The following HAO2 variants were observed in gnomAD, a reference collection of about 807,000 sequenced individuals.
HAO2 encodes the protein 2-Hydroxyacid oxidase 2.
Under a neutral mutation model 37.4 loss-of-function variants are expected in HAO2, and 42 were observed. That is an observed-to-expected ratio of 1.12 (90% CI 0.88 to 1.45). HAO2 has a LOEUF of 1.45. HAO2 is among the 40% of genes most tolerant of loss of function. The pLI is 0.00. For synonymous variants in HAO2, 180 were observed against 162.8 expected (o/e 1.11, Z -0.81); for missense variants, 476 against 430.2 (o/e 1.11, Z -0.94).
chr1:119,373,241 A>G lies in HAO2; in HGVS notation c.-9+4339A>G, dbSNP rs3765954. Among the ~76,000 whole-genome samples the G allele has an allele frequency of 2.7e-3, 417 of 152,300 alleles. 3 individuals are homozygous for G. Among genetic ancestry groups the G allele is most frequent in the East Asian group, 0.016 (84 of 5,180 alleles). On this transcript the variant is annotated intron_variant, in intron 1 of 7. Coordinates refer to ENST00000325945, the MANE Select transcript of HAO2 (RefSeq NM_016527.4). ...AGCAGGGTCAGAAGGAGTAGAGGTG[A>G]AGGTGGAATGATAAAATCTAGTGTA...
chr1:119,382,819 G>C (rs774954192), intron 2 of HAO2, 96 bp from the exon 3 acceptor site: 4 of 1,172,054 alleles, frequency 3.4e-6, no homozygotes, highest in Non-Finnish European at 4.9e-6. Flanking sequence ...GTCTGGTTTA[G>C]ACTTGTATCA....
chr1:119,384,926 T>C lies in HAO2; in HGVS notation c.434T>C (p.Val145Ala). Residue 145 changes from valine to alanine, a missense_variant, in exon 4 of 8, where the codon GTA becomes GCA. Coordinates refer to ENST00000325945, the MANE Select transcript of HAO2 (RefSeq NM_016527.4). ...LQLNKQLIQRVESLGFKALVI... is the reference protein window; with the variant it reads ...LQLNKQLIQRAESLGFKALVI... ...CTGAACAAACAGTTGATCCAGAGGG[T>C]AGAATCCCTAGGTTTCAAAGCTTTG... 6.2e-7 allele frequency: 1 copy of C among 1,613,936 alleles called. No homozygotes were observed. The highest frequency in any genetic ancestry group is 8.5e-7 in the Non-Finnish European group (1 of 1,179,860).
chr1:119,386,594 G>A (rs762993266), intron 4 of HAO2, 28 bp from the exon 5 acceptor site: 4 of 1,397,518 alleles, frequency 2.9e-6, no homozygotes, highest in South Asian at 1.2e-5. Context: ...GAGAGCTCAG[G>A]ACTAAGTTCC....
intron 5 of HAO2, among the ~76,000 whole-genome samples, chr1:119,388,237 C>T (rs1334849847): frequency 6.6e-6 from 1 of 152,116 alleles, no homozygotes; most frequent in Admixed American, 6.6e-5. Context: ...CCAACTATGC[C>T]TAAATAGGAG....
At chr1:119,378,003 G>A (rs762852109) in intron 1 of HAO2, among the ~76,000 whole-genome samples, 4 of 152,206 alleles carry the variant, frequency 2.6e-5, no homozygotes, top group African/African-American at 4.8e-5. Flanking sequence ...GGAGACAGAA[G>A]TTACAGTGAG....
intron 2 of HAO2, among the ~76,000 whole-genome samples, chr1:119,381,780 T>C (rs1317282125): frequency 1.3e-5 from 2 of 152,220 alleles, no homozygotes; most frequent in African/African-American, 4.8e-5. Flanking sequence ...CGATGGTTTT[T>C]CATTTTTGAA....
At chr1:119,369,429 A>G (rs1044672815) in intron 1 of HAO2, among the ~76,000 whole-genome samples, 3 of 152,238 alleles carry the variant, frequency 2.0e-5, no homozygotes, top group Non-Finnish European at 4.4e-5. Flanking sequence ...TGATTGTGTT[A>G]AGTTGAATCT....
At chr1:119,369,841 A>T (rs1326774823) in intron 1 of HAO2, among the ~76,000 whole-genome samples, 1 of 152,068 alleles carries the variant, frequency 6.6e-6, no homozygotes, top group African/African-American at 2.4e-5. Flanking sequence ...GTCTTCTTCG[A>T]CTGTAAGCTT....
At chr1:119,392,390 C>G in intron 6 of HAO2, 122 bp downstream of exon 6, 1 of 861,242 alleles carries the variant, frequency 1.2e-6, no homozygotes, top group Non-Finnish European at 1.8e-6. Context: ...ATAGTTACAC[C>G]TAAGCTGCAT....
Position 119,381,119 on chromosome 1 carries a change from C to T in HAO2, c.34C>T (p.His12Tyr), listed in dbSNP as rs762816224. Residue 12 changes from histidine (H) to tyrosine (Y), a missense_variant, in exon 2 of 8, where the codon CAT becomes TAT. Coordinates refer to ENST00000325945, the MANE Select transcript of HAO2 (RefSeq NM_016527.4). ...GGTGTGTTTGACAGACTTTCAGGCC[C>T]ATGCGCGAGAGCAGCTGTCTAAGTC... ...SLVCLTDFQA[H>Y]AREQLSKSTR... 1.2e-6 allele frequency: 2 copies of T among 1,611,718 alleles called. No homozygotes were observed. Among genetic ancestry groups the T allele is most frequent in the Admixed American group, 1.7e-5 (1 of 60,012 alleles).
In HAO2 at chr1:119,381,175, T is replaced by G. The variant is rs745745659; in HGVS notation, c.90T>G (p.Asp30Glu). 2 of 1,610,376 alleles carry G rather than the reference T, an allele frequency of 1.2e-6. No homozygotes were observed. The highest frequency in any genetic ancestry group is 2.2e-5 in the South Asian group (2 of 90,998). Residue 30 changes from aspartate (D) to glutamate (E), a missense_variant, in exon 2 of 8, where the codon GAT becomes GAG. Physicochemically the swap from Asp to Glu is conservative, Grantham distance 45. Coordinates refer to ENST00000325945, the MANE Select transcript of HAO2 (RefSeq NM_016527.4). ...GGGATTTTATTGAAGGTGGAGCAGA[T>G]GACAGCATCACGCGGGATGACAACA... ...STRDFIEGGA[D>E]DSITRDDNIA... is the part of the protein sequence containing the mutation.
chr1:119,370,517 A>C (rs1207171679), intron 1 of HAO2, among the ~76,000 whole-genome samples: 1 of 152,198 alleles, frequency 6.6e-6, no homozygotes, highest in Non-Finnish European at 1.5e-5. Flanking sequence ...GAAATTTCAA[A>C]GGGGCCATAC....
rs770886338 is a variant in HAO2, at chr1:119,381,121, T to C, written c.36T>C (p.His12=). 5 of 1,612,046 alleles carry C rather than the reference T, an allele frequency of 3.1e-6. No homozygotes were observed. The highest frequency in any genetic ancestry group is 3.4e-6 in the Non-Finnish European group (4 of 1,178,156). ...TGTGTTTGACAGACTTTCAGGCCCATGCGCGAGAGCAGCTGTCTAAGTCAA... is the reference window on the plus strand; with the variant it reads ...TGTGTTTGACAGACTTTCAGGCCCACGCGCGAGAGCAGCTGTCTAAGTCAA... ...SLVCLTDFQA[H]AREQLSKSTR... is the part of the protein sequence containing the mutation. Residue 12 remains histidine (H), a synonymous_variant, in exon 2 of 8, where the codon CAT becomes CAC. Coordinates refer to ENST00000325945, the MANE Select transcript of HAO2 (RefSeq NM_016527.4).
chr1:119,383,889 G>T (rs1650167234), intron 3 of HAO2, among the ~76,000 whole-genome samples: 2 of 152,144 alleles, frequency 1.3e-5, no homozygotes, highest in South Asian at 4.1e-4. Context: ...GGTCTAGCTA[G>T]GTTGAGATAT....
intron 2 of HAO2, among the ~76,000 whole-genome samples, chr1:119,381,537 G>A (rs1649945100): frequency 6.6e-6 from 1 of 152,176 alleles, no homozygotes; most frequent in African/African-American, 2.4e-5. Context: ...CTGCTGGGAG[G>A]CCTAGATCTC....
At chr1:119,374,563 A>C (rs1649292645) in intron 1 of HAO2, among the ~76,000 whole-genome samples, 1 of 152,214 alleles carries the variant, frequency 6.6e-6, no homozygotes, top group Non-Finnish European at 1.5e-5. Flanking sequence ...TTCTGGAAGG[A>C]CACCATCCTA....
Position 119,384,879 on chromosome 1 carries a change from C to G in HAO2, c.387C>G (p.Leu129=), listed in dbSNP as rs1557851368. Reference sequence around the variant, plus strand: ...CCGAAGGCCTCCGATGGTTCCAACTCTATGTGCATCCAGACCTGCAGCTGA... The same window carrying G: ...CCGAAGGCCTCCGATGGTTCCAACTGTATGTGCATCCAGACCTGCAGCTGA... ...AAPEGLRWFQ[L]YVHPDLQLNK... Residue 129 remains leucine, a synonymous_variant, in exon 4 of 8, where the codon CTC becomes CTG. Transcript: ENST00000325945. 8 of 1,613,792 alleles carry G rather than the reference C, an allele frequency of 5.0e-6. No homozygotes were observed. The highest frequency in any genetic ancestry group is 6.8e-6 in the Non-Finnish European group (8 of 1,179,678).
chr1:119,371,480 A>G (rs1293388550), intron 1 of HAO2, among the ~76,000 whole-genome samples: 2 of 152,196 alleles, frequency 1.3e-5, no homozygotes, highest in African/African-American at 4.8e-5. Flanking sequence ...TTGAGGGAAG[A>G]AAGCAAAGTT....
In HAO2 at chr1:119,381,117, C is replaced by T. The variant is rs773056225; in HGVS notation, c.32C>T (p.Ala11Val). ...TTGGTGTGTTTGACAGACTTTCAGG[C>T]CCATGCGCGAGAGCAGCTGTCTAAG... MSLVCLTDFQ[A>V]HAREQLSKST... Residue 11 changes from alanine to valine, a missense_variant, in exon 2 of 8, where the codon GCC (alanine) becomes GTC (valine). Transcript: ENST00000325945. The T allele has an allele frequency of 6.2e-7, 1 of 1,611,692 alleles. No homozygotes were observed. The highest frequency in any genetic ancestry group is 1.7e-5 in the Admixed American group (1 of 59,998).
Sources: gnomAD v4.1 joint callset for allele counts (sites outside exome capture counted in the v4.1 genomes callset) on GRCh38, gnomAD v4.1.1 for gene constraint, MANE v1.5 for transcripts, NCBI Gene and HGNC (gene_info 2026-07-23, HGNC 2026-07-21) for gene names.